The following ZNF423 variants were observed in gnomAD, a reference collection of about 807,000 sequenced individuals.
ZNF423 encodes Ebf-associated zinc finger protein.
A neutral mutation model predicts 95.8 loss-of-function variants in ZNF423; 12 were observed. The ratio of observed to expected loss-of-function variants is 0.13; its 90% confidence interval spans 0.08 to 0.20. ZNF423 has a LOEUF of 0.20. Ranked by LOEUF, ZNF423 falls within the 10% of genes least tolerant of loss-of-function variation. The pLI, the probability that ZNF423 is intolerant of heterozygous loss-of-function variation, is 1.00. For synonymous variants in ZNF423, 749 were observed against 711.9 expected, an observed-to-expected ratio of 1.05 and a Z score of -0.83; for missense variants, 1,316 against 1,737.1, an observed-to-expected ratio of 0.76 and a Z score of 4.31.
chr16:49,525,909 C>T (rs1968584723), intron 5 of ZNF423, among the ~76,000 whole-genome samples: 1 of 152,250 alleles, frequency 6.6e-6, no homozygotes, highest in Non-Finnish European at 1.5e-5. Context: ...GTGCCAGGTA[C>T]TTTGCTCTAA....
At chr16:49,740,066 G>T (rs2033382310) in intron 2 of ZNF423, among the ~76,000 whole-genome samples, 1 of 151,862 alleles carries the variant, frequency 6.6e-6, no homozygotes, top group South Asian at 2.1e-4. Context: ...ATGGGGTTTT[G>T]TTATGTTGCC....
intron 6 of ZNF423, 26 bp downstream of exon 6, chr16:49,525,337 T>C (rs1332601129): frequency 1.2e-6 from 2 of 1,613,430 alleles, no homozygotes; most frequent in Non-Finnish European, 1.7e-6. Context: ...CTCTCTCCCC[T>C]GAGGGGCACA....
At chr16:49,713,180 C>T (rs553910667) in intron 3 of ZNF423, among the ~76,000 whole-genome samples, 1 of 152,254 alleles carries the variant, frequency 6.6e-6, no homozygotes, top group East Asian at 1.9e-4. Flanking sequence ...AGCTAAAAGC[C>T]CACAGTCACC....
At chr16:49,769,121 C>T (rs1250118639) in intron 2 of ZNF423, among the ~76,000 whole-genome samples, 5 of 152,210 alleles carry the variant, frequency 3.3e-5, no homozygotes, top group African/African-American at 7.2e-5. Flanking sequence ...TTTGGGAGGC[C>T]GAGGCGGGTG....
At chr16:49,725,990 C>T (rs2033003188) in intron 3 of ZNF423, among the ~76,000 whole-genome samples, 1 of 152,186 alleles carries the variant, frequency 6.6e-6, no homozygotes, top group African/African-American at 2.4e-5. Flanking sequence ...GCCTGGAGCC[C>T]GCAGTCTTAC....
intron 3 of ZNF423, among the ~76,000 whole-genome samples, chr16:49,645,664 T>C (rs72793571): frequency 0.23 from 35,032 of 152,212 alleles, 4,921 homozygotes; most frequent in South Asian, 0.34. Context: ...AGATACCGTA[T>C]GATATGGTTT....
At chr16:49,785,244 AT>A (rs953196348) in intron 2 of ZNF423, among the ~76,000 whole-genome samples, 1 of 151,748 alleles carries the variant, frequency 6.6e-6, no homozygotes, top group African/African-American at 2.4e-5. Context: ...GCCCAGGGCT[AT>A]TTTGTTTTTA....
chr16:49,737,362 C>T (rs910115563), intron 2 of ZNF423, among the ~76,000 whole-genome samples: 1 of 152,054 alleles, frequency 6.6e-6, no homozygotes, highest in Non-Finnish European at 1.5e-5. Context: ...CTCTGTCTTC[C>T]AGGTTCAAGT....
At position 49,835,186 on chromosome 16, in the gene ZNF423, T is replaced by C. The variant is rs1597051823; in HGVS notation, c.40+20549A>G. 2.0e-5 allele frequency among the ~76,000 whole-genome samples: 3 copies of C among 152,220 alleles called. No homozygotes were observed. In the South Asian group the frequency reaches 6.2e-4, roughly 32 times the overall value. ...CCTCTTCCAGAGCCCCCACACCCCATGGGCCCCCAGCCAAGGGGTCTGTGA... is the reference window on the plus strand; with the variant it reads ...CCTCTTCCAGAGCCCCCACACCCCACGGGCCCCCAGCCAAGGGGTCTGTGA... On this transcript the variant is annotated intron_variant, in intron 1 of 7. Transcript: ENST00000563137.
intron 1 of ZNF423, among the ~76,000 whole-genome samples, chr16:49,831,646 G>C (rs1294541811): frequency 1.3e-5 from 2 of 152,140 alleles, no homozygotes; most frequent in African/African-American, 4.8e-5. Context: ...GTTCTCCCAG[G>C]GGACACTTGG....
chr16:49,785,439 A>G (rs1181409510), intron 2 of ZNF423, among the ~76,000 whole-genome samples: 2 of 152,248 alleles, frequency 1.3e-5, no homozygotes, highest in South Asian at 2.1e-4. Context: ...ATGGTCACAC[A>G]TATCTCTAAA....
intron 5 of ZNF423, among the ~76,000 whole-genome samples, chr16:49,593,836 C>A (rs983991662): frequency 1.6e-4 from 24 of 152,248 alleles, no homozygotes; most frequent in African/African-American, 5.1e-4. Flanking sequence ...GAGGGGGCCG[C>A]GGAGGCAACA....
intron 5 of ZNF423, among the ~76,000 whole-genome samples, chr16:49,558,266 TA>T (rs1484625362): frequency 1.3e-5 from 2 of 152,204 alleles, no homozygotes; most frequent in Admixed American, 6.5e-5. Context: ...TGCACAGGGC[TA>T]AGGAGTGACT....
intron 5 of ZNF423, among the ~76,000 whole-genome samples, chr16:49,543,512 G>C (rs1049961281): frequency 3.9e-5 from 6 of 152,228 alleles, no homozygotes; most frequent in African/African-American, 1.4e-4. Flanking sequence ...ATCCAATCCA[G>C]CTAATTTGCA....
At chr16:49,669,805 C>A (rs991569749) in intron 3 of ZNF423, among the ~76,000 whole-genome samples, 3 of 152,110 alleles carry the variant, frequency 2.0e-5, no homozygotes, top group Non-Finnish European at 1.5e-5. Flanking sequence ...TACTCCAGAG[C>A]CAGATGGCCC....
chr16:49,562,684 T>G (rs1018319539), intron 5 of ZNF423, among the ~76,000 whole-genome samples: 2 of 152,234 alleles, frequency 1.3e-5, no homozygotes, highest in Admixed American at 1.3e-4. Flanking sequence ...ACCAGATGAT[T>G]TGAGGTTCTA....
chr16:49,696,855 CT>C (rs2031994430), intron 3 of ZNF423, among the ~76,000 whole-genome samples: 1 of 152,232 alleles, frequency 6.6e-6, no homozygotes, highest in Non-Finnish European at 1.5e-5. Context: ...GACCAGCCCC[CT>C]GTCTCCTCTC....
chr16:49,748,913 C>T (rs1308750119), intron 2 of ZNF423, among the ~76,000 whole-genome samples: 1 of 152,146 alleles, frequency 6.6e-6, no homozygotes, highest in African/African-American at 2.4e-5. Context: ...CCGCTGTGTG[C>T]ACCCCTCTCA....
At chr16:49,750,987 CAG>C (rs1396593555) in intron 2 of ZNF423, among the ~76,000 whole-genome samples, 6 of 152,104 alleles carry the variant, frequency 3.9e-5, no homozygotes, top group Non-Finnish European at 7.4e-5. Context: ...AGCTGAGAGA[CAG>C]AGGCCCGACG....
Sources: gnomAD v4.1 joint callset for allele counts (sites outside exome capture counted in the v4.1 genomes callset) on GRCh38, gnomAD v4.1.1 for gene constraint, MANE v1.5 for transcripts, NCBI Gene and HGNC (gene_info 2026-07-23, HGNC 2026-07-21) for gene names.